Variants in KANSL3 observed in about 807,000 individuals in gnomAD.
The protein encoded by KANSL3 is NSL complex protein NSL3.
A neutral mutation model predicts 89.2 loss-of-function variants in KANSL3; 16 were observed. That is an observed-to-expected ratio of 0.18 (90% confidence interval 0.12 to 0.27). The LOEUF (loss-of-function observed/expected upper bound fraction) is 0.27, where lower values mean the gene tolerates loss of function less well. Among genes scored for constraint, KANSL3 ranks in the 10% least tolerant of loss-of-function variants. KANSL3 has a pLI of 1.00. For missense variants in KANSL3, 879 were observed against 1,110.6 expected, an observed-to-expected ratio of 0.79 and a Z score of 2.96; for synonymous variants, 385 against 419.7, an observed-to-expected ratio of 0.92 and a Z score of 1.01.
intron 3 of KANSL3, among the ~76,000 whole-genome samples, chr2:96,621,308 G>A (rs1230156741): frequency 1.3e-5 from 2 of 152,118 alleles, no homozygotes; most frequent in Non-Finnish European, 2.9e-5. Context: ...GAGATCAGGA[G>A]TTCAAGACCA....
chr2:96,585,529 T>C, the KANSL3 span, among the ~76,000 whole-genome samples: 1 of 152,158 alleles, frequency 6.6e-6, no homozygotes, highest in Non-Finnish European at 1.5e-5. Flanking sequence ...TGTAAACTAG[T>C]ACAATCACTA....
intron 9 of KANSL3, among the ~76,000 whole-genome samples, chr2:96,611,645 T>C (rs2068973076): frequency 6.6e-6 from 1 of 152,186 alleles, no homozygotes; most frequent in Admixed American, 6.5e-5. Flanking sequence ...CACACTTGAT[T>C]GGACTGCATG....
At chr2:96,622,298 C>T (rs1206630253) in intron 3 of KANSL3, among the ~76,000 whole-genome samples, 1 of 150,850 alleles carries the variant, frequency 6.6e-6, no homozygotes, top group African/African-American at 2.4e-5. Context: ...GGCAGGTGCC[C>T]AAAGTTCCAG....
At chr2:96,590,012 T>C (rs1476737924), downstream of KANSL3, among the ~76,000 whole-genome samples, 4 of 149,238 alleles carry the variant, frequency 2.7e-5, no homozygotes, top group African/African-American at 9.9e-5. Flanking sequence ...AAAAAAAAAT[T>C]AGACAGGTGT....
intron 14 of KANSL3, chr2:96,606,963 T>C: frequency 7.8e-7 from 1 of 1,283,866 alleles, no homozygotes; most frequent in Non-Finnish European, 1.0e-6. Context: ...GAAAGAGTAA[T>C]ACTCACCAAA....
Position 96,637,123 on chromosome 2 carries a change from C to G in KANSL3, c.13G>C (p.Gly5Arg), listed in dbSNP as rs1159145743. 3 of 1,551,154 alleles carry G rather than the reference C, an allele frequency of 1.9e-6. No homozygotes were observed. Among genetic ancestry groups the G allele is most frequent in the South Asian group, 2.4e-5 (2 of 84,032 alleles). MAHR[G>R]GERDFQTSAR... is the part of the protein sequence containing the mutation. ...GAAGTCTGGAAGTCCCTCTCCCCAC[C>G]CCGGTGGGCCATGTCAGTGGAGGGG... is the stretch of plus-strand genomic sequence containing the variant. The change falls in exon 2 of 21, where the codon GGT (glycine) becomes CGT (arginine). Residue 5 changes from glycine (G) to arginine (R), a missense_variant. By Grantham distance (125) the Gly-to-Arg change is moderately radical (BLOSUM62 -2). Around this residue, in one of 6 missense-constraint regions of KANSL3, gnomAD observed 210 missense variants for 311.9 expected, o/e 0.67. Coordinates refer to ENST00000431828, the MANE Select transcript of KANSL3 (RefSeq NM_001115016.3).
chr2:96,616,333 G>C (rs567526835), intron 5 of KANSL3, among the ~76,000 whole-genome samples: 2 of 152,296 alleles, frequency 1.3e-5, no homozygotes, highest in East Asian at 3.9e-4. Flanking sequence ...AAAAAGCCTT[G>C]ACACTTGCTT....
chr2:96,636,993 T>C lies in KANSL3; in HGVS notation c.143A>G (p.His48Arg). 6.4e-7 allele frequency: 1 copy of C among 1,551,318 alleles called. No individual in the cohort carries two copies. Among genetic ancestry groups the C allele is most frequent in the East Asian group, 2.4e-5 (1 of 40,898 alleles). The change falls in exon 2 of 21, where the codon CAC (histidine) becomes CGC (arginine). Residue 48 changes from histidine to arginine, a missense_variant. By Grantham distance (29) the His-to-Arg change is conservative (BLOSUM62 0). Coordinates refer to ENST00000431828, the MANE Select transcript of KANSL3 (RefSeq NM_001115016.3). ...DHSYAKPWSA[H>R]PDASSARPTR... ...GGGGCGGGCACTACTGGCATCTGGG[T>C]GGGCACTCCAAGGCTTGGCATAGCT...
At chr2:96,597,463 GCT>G (rs1428350143) in intron 20 of KANSL3, among the ~76,000 whole-genome samples, 3 of 152,170 alleles carry the variant, frequency 2.0e-5, no homozygotes, top group Non-Finnish European at 1.5e-5. Context: ...ATAGTCCAGT[GCT>G]CTGTCTGGCA....
rs1019162388 is a variant in KANSL3 at position 96,612,811 on chromosome 2, C to T, written c.912+7G>A. The T allele has an allele frequency of 4.5e-6, 7 of 1,550,288 alleles. No homozygotes were observed. In the Admixed American group the frequency reaches 5.9e-5, roughly 13 times the overall value. ...CAGGAAGGAGTTCCTCTTGCCCCCA[C>T]ACATACCTTGCCCAAGCAGGACAGC... On this transcript the variant is annotated splice_region_variant and intron_variant, in intron 7 of 20. Transcript: ENST00000431828.
intron 12 of KANSL3, 72 bp from the exon 13 acceptor site, chr2:96,609,136 C>T: frequency 5.3e-6 from 7 of 1,315,840 alleles, no homozygotes; most frequent in Non-Finnish European, 7.4e-6. Context: ...ATATACTTTC[C>T]AACTAAAACA....
intron 19 of KANSL3, 22 bp downstream of exon 19, chr2:96,602,093 CA>C: frequency 6.5e-7 from 1 of 1,547,192 alleles, no homozygotes. Flanking sequence ...TGGGAGTCCC[CA>C]CAGTTCTCAT....
intron 16 of KANSL3, 125 bp downstream of exon 16, chr2:96,604,654 G>A (rs1188917359): frequency 1.1e-6 from 1 of 906,652 alleles, no homozygotes; most frequent in Non-Finnish European, 1.7e-6. Flanking sequence ...ATCCCAATCA[G>A]AAGTAAGTCA....
At chr2:96,599,612 CA>C (rs1395632806) in intron 20 of KANSL3, 1 of 172,028 alleles carries the variant, frequency 5.8e-6, no homozygotes, top group Non-Finnish European at 1.2e-5. Flanking sequence ...GACTGACATT[CA>C]ATGAATGCTT....
chr2:96,615,343 G>A (rs1006164277), intron 5 of KANSL3: 5 of 224,962 alleles, frequency 2.2e-5, no homozygotes, highest in African/African-American at 4.6e-5. Context: ...AAGCTGTGGT[G>A]TACTAAATAA....
chr2:96,604,299 G>T lies in KANSL3; in HGVS notation c.2100C>A (p.His700Gln). Residue 700 changes from histidine to glutamine, a missense_variant, in exon 17 of 21, where the codon CAC becomes CAA. Transcript: ENST00000431828. The part of the protein sequence containing the change: ...VSSSTAPSAL[H>Q]TLQSRLVATS... ...TGGCCACCAGGCGGCTCTGCAGTGT[G>T]TGCAAGGCACTGGGTGCAGTGCTGC... The T allele has an allele frequency of 6.2e-7, 1 of 1,613,336 alleles. No individual in the cohort carries two copies. The highest frequency in any genetic ancestry group is 1.1e-5 in the South Asian group (1 of 91,074).
the KANSL3 span, among the ~76,000 whole-genome samples, chr2:96,582,628 C>T: frequency 1.5e-3 from 230 of 152,294 alleles, no homozygotes; most frequent in African/African-American, 5.1e-3. Context: ...TCCTTGCTTG[C>T]TAATTCCAAT....
rs1167779257 is a variant in KANSL3 at position 96,594,254 on chromosome 2, C to T, written c.*1357G>A. The stretch of plus-strand genomic sequence containing the variant: ...CCCTTCCTGCCTACAGAAAAGGACA[C>T]TTGAGTGGAGTCACACTTGGGTTGC... On this transcript the variant is annotated 3_prime_UTR_variant, in exon 21 of 21. Transcript: ENST00000431828. 1 of 152,254 alleles carries T rather than the reference C, an allele frequency of 6.6e-6. No individual in the cohort carries two copies. Among genetic ancestry groups the T allele is most frequent in the East Asian group, 1.9e-4 (1 of 5,204 alleles). The allele number at this position is 152,254 out of a possible 1,614,324, so 9.4% of individuals were successfully genotyped here. A position where few individuals can be genotyped will look rare whatever the true frequency, so the allele number is the denominator to read the frequency against.
chr2:96,582,585 T>G, the KANSL3 span, among the ~76,000 whole-genome samples: 1 of 152,188 alleles, frequency 6.6e-6, no homozygotes, highest in Non-Finnish European at 1.5e-5. Context: ...TTCCTTTACA[T>G]CCTATAGCGT....
Sources: allele counts gnomAD v4.1 joint callset (sites outside exome capture counted in the v4.1 genomes callset), GRCh38; gene constraint gnomAD v4.1.1; regional missense constraint gnomAD v4.1.1; transcripts MANE v1.5; gene names NCBI Gene and HGNC (gene_info 2026-07-23, HGNC 2026-07-21).